CEP85L: variants seen among roughly 807,000 people sequenced by gnomAD.
CEP85L encodes the protein centrosomal protein 85L.
In CEP85L, 60 loss-of-function variants were observed where a neutral mutation model predicts 100.3. The ratio of observed to expected loss-of-function variants is 0.60; its 90% CI spans 0.49 to 0.74. The LOEUF (loss-of-function observed/expected upper bound fraction) is 0.74, where lower values mean the gene tolerates loss of function less well. Among genes scored for constraint, CEP85L ranks in the 30% least tolerant of loss-of-function variants. CEP85L has a pLI of 0.00. For missense variants in CEP85L, 973 were observed against 936.2 expected, an observed-to-expected ratio of 1.04 and a Z score of -0.51; for synonymous variants, 319 against 322.7, an observed-to-expected ratio of 0.99 and a Z score of 0.12.
chr6:118,517,865 G>A lies in CEP85L; in HGVS notation c.1139+5937C>T, dbSNP rs535523003. On this transcript the variant is annotated intron_variant, in intron 4 of 12. Coordinates refer to ENST00000368491, the MANE Select transcript of CEP85L (RefSeq NM_001042475.3). ...TTTGCCCATTCATTATGATATTGGC[G>A]GTGGGTTTGTCATAAATAGCTCTTA... Among the ~76,000 whole-genome samples, 47 of 152,230 alleles carry A rather than the reference G, an allele frequency of 3.1e-4. No individual in the cohort carries two copies. The East Asian group carries it at 6.6e-3, about 21-fold the overall frequency.
chr6:118,562,539 A>T (rs1779284205), intron 3 of CEP85L, among the ~76,000 whole-genome samples: 1 of 151,898 alleles, frequency 6.6e-6, no homozygotes, highest in South Asian at 2.1e-4. Flanking sequence ...AATTCTTTTT[A>T]TTTTTTGTAG....
At chr6:118,582,638 T>C (rs1307870718) in intron 2 of CEP85L, among the ~76,000 whole-genome samples, 4 of 152,194 alleles carry the variant, frequency 2.6e-5, no homozygotes, top group Non-Finnish European at 5.9e-5. Flanking sequence ...AGAGGGCCTA[T>C]GGAAGACCAG....
chr6:118,652,707 G>A, upstream of CEP85L: 5 of 1,538,084 alleles, frequency 3.3e-6, no homozygotes, highest in Non-Finnish European at 4.4e-6. Context: ...TACCACATCC[G>A]TGTTGTAATT....
chr6:118,559,569 T>G (rs1039844128), intron 3 of CEP85L: 14 of 184,778 alleles, frequency 7.6e-5, no homozygotes, highest in African/African-American at 3.4e-4. Flanking sequence ...AATAGTCCAC[T>G]GACTCCTCAC....
At chr6:118,521,476 T>C (rs1267330173) in intron 4 of CEP85L, among the ~76,000 whole-genome samples, 1 of 152,220 alleles carries the variant, frequency 6.6e-6, no homozygotes, top group Admixed American at 6.5e-5. Context: ...TTATTTAAGA[T>C]ACTGGGTAGG....
In CEP85L at chr6:118,551,199, T is replaced by C. The variant is rs35599872; in HGVS notation, c.1020+14330A>G. 3.4e-3 allele frequency among the ~76,000 whole-genome samples: 514 copies of C among 151,992 alleles called. 2 individuals carry two copies. Among genetic ancestry groups the C allele is most frequent in the South Asian group, 5.8e-3 (28 of 4,816 alleles). On this transcript the variant is annotated intron_variant, in intron 3 of 12. Transcript: ENST00000368491. The stretch of plus-strand genomic sequence containing the variant: ...TTTCAAAGTTCTTACCCAGAGTAAT[T>C]CTGAAGCATGTGTTACCAAATAAAC...
chr6:118,624,357 AC>A (rs1773647090), intron 2 of CEP85L, among the ~76,000 whole-genome samples: 1 of 151,938 alleles, frequency 6.6e-6, no homozygotes, highest in Non-Finnish European at 1.5e-5. Context: ...GACCACATCA[AC>A]CTTTTTTCTA....
intron 6 of CEP85L, among the ~76,000 whole-genome samples, chr6:118,490,554 G>A (rs918423593): frequency 2.0e-5 from 3 of 152,040 alleles, no homozygotes; most frequent in Non-Finnish European, 4.4e-5. Context: ...GTTAAATATC[G>A]ACTGTACAAA....
intron 4 of CEP85L, among the ~76,000 whole-genome samples, chr6:118,516,263 T>C (rs1755254726): frequency 6.6e-6 from 1 of 152,248 alleles, no homozygotes; most frequent in Non-Finnish European, 1.5e-5. Context: ...TTTGGGTATA[T>C]ACCCAGTAAT....
At chr6:118,619,143 C>A (rs1378752720) in intron 2 of CEP85L, among the ~76,000 whole-genome samples, 3 of 151,894 alleles carry the variant, frequency 2.0e-5, no homozygotes, top group Non-Finnish European at 1.5e-5. Context: ...TGCGGGCATA[C>A]CTGTGTTTAA....
intron 4 of CEP85L, 36 bp from the exon 5 acceptor site, chr6:118,511,451 T>C (rs1315894047): frequency 1.5e-6 from 2 of 1,329,140 alleles, no homozygotes; most frequent in Admixed American, 1.7e-5. Flanking sequence ...TTATGAGTTA[T>C]AATTTTCTAA....
chr6:118,620,363 C>T (rs1773360124), intron 2 of CEP85L, among the ~76,000 whole-genome samples: 2 of 152,074 alleles, frequency 1.3e-5, no homozygotes, highest in Non-Finnish European at 2.9e-5. Context: ...AGAGAAAGAC[C>T]GCAGCCTTGG....
At chr6:118,622,521 C>T (rs1773518515) in intron 2 of CEP85L, among the ~76,000 whole-genome samples, 1 of 152,216 alleles carries the variant, frequency 6.6e-6, no homozygotes, top group African/African-American at 2.4e-5. Context: ...CCATAGTTAG[C>T]AATGCAACAG....
chr6:118,561,822 C>A (rs1340949580), intron 3 of CEP85L, among the ~76,000 whole-genome samples: 1 of 151,916 alleles, frequency 6.6e-6, no homozygotes, highest in African/African-American at 2.4e-5. Flanking sequence ...CCAAATAAAA[C>A]AAAATCAAGA....
intron 2 of CEP85L, among the ~76,000 whole-genome samples, chr6:118,574,332 G>A (rs1780088080): frequency 6.6e-6 from 1 of 152,190 alleles, no homozygotes; most frequent in Non-Finnish European, 1.5e-5. Context: ...CCCAGCCAAT[G>A]GGGAAATAAC....
chr6:118,539,954 CAAT>C (rs1488590107), intron 3 of CEP85L, among the ~76,000 whole-genome samples: 1 of 151,598 alleles, frequency 6.6e-6, no homozygotes, highest in African/African-American at 2.4e-5. Flanking sequence ...CAGGAGTCAA[CAAT>C]AATCTCATGG....
chr6:118,649,240 T>C (rs908588563), intron 1 of CEP85L, among the ~76,000 whole-genome samples: 14 of 152,218 alleles, frequency 9.2e-5, no homozygotes, highest in Admixed American at 8.5e-4. Flanking sequence ...AAAAAAACTT[T>C]ACAAAGGCAT....
intron 3 of CEP85L, among the ~76,000 whole-genome samples, chr6:118,534,577 CA>C (rs1777479196): frequency 6.6e-6 from 1 of 152,100 alleles, no homozygotes; most frequent in South Asian, 2.1e-4. Context: ...CGCTTGAACC[CA>C]GGTGGCAGAG....
At chr6:118,691,303 C>A (rs1213829983) in intron 1 of CEP85L, among the ~76,000 whole-genome samples, 1 of 151,928 alleles carries the variant, frequency 6.6e-6, no homozygotes, top group African/African-American at 2.4e-5. Flanking sequence ...GAGGCCAAGG[C>A]GGGCGGATCA....
Sources: gnomAD v4.1 joint callset for allele counts (sites outside exome capture counted in the v4.1 genomes callset) on GRCh38, gnomAD v4.1.1 for gene constraint, MANE v1.5 for transcripts, NCBI Gene and HGNC (gene_info 2026-07-23, HGNC 2026-07-21) for gene names.